Variants in CAMKMT observed in about 807,000 individuals in gnomAD.
The protein encoded by CAMKMT is calmodulin-lysine N-methyltransferase, also known as CaM KMT.
A neutral mutation model predicts 48.0 loss-of-function variants in CAMKMT; 53 were observed. The observed-to-expected ratio is 1.10, with a 90% CI of 0.89 to 1.39. The LOEUF is 1.39. CAMKMT is among the 40% of genes most tolerant of loss of function. CAMKMT has a pLI of 0.00. For missense variants in CAMKMT, 428 were observed against 402.7 expected (o/e 1.06, Z -0.54); for synonymous variants, 165 against 152.3 (o/e 1.08, Z -0.61).
chr2:44,435,588 T>C (rs529184522), intron 3 of CAMKMT, among the ~76,000 whole-genome samples: 1 of 152,344 alleles, frequency 6.6e-6, no homozygotes, highest in South Asian at 2.1e-4. Context: ...TCCGAGTGAA[T>C]CAAAAATAGA....
At chr2:44,461,441 A>C (rs1357742085) in intron 3 of CAMKMT, among the ~76,000 whole-genome samples, 1 of 152,194 alleles carries the variant, frequency 6.6e-6, no homozygotes, top group African/African-American at 2.4e-5. Flanking sequence ...TAAGTGGGTG[A>C]GGTGGGATTA....
intron 3 of CAMKMT, among the ~76,000 whole-genome samples, chr2:44,491,830 A>G (rs1422060197): frequency 1.3e-5 from 2 of 152,240 alleles, no homozygotes; most frequent in South Asian, 2.1e-4. Context: ...TTGAGAATAT[A>G]GCATTCTTTG....
At chr2:44,570,732 A>G (rs1668860214) in intron 3 of CAMKMT, among the ~76,000 whole-genome samples, 1 of 152,166 alleles carries the variant, frequency 6.6e-6, no homozygotes, top group Non-Finnish European at 1.5e-5. Context: ...TAAAAGATGA[A>G]AAGCAAACGA....
intron 3 of CAMKMT, among the ~76,000 whole-genome samples, chr2:44,565,057 T>G (rs1417205656): frequency 6.6e-6 from 1 of 152,338 alleles, no homozygotes; most frequent in East Asian, 1.9e-4. Flanking sequence ...CCTAATTTTT[T>G]TCTACTGGGT....
At chr2:44,386,673 G>A (rs1680810131) in intron 2 of CAMKMT, among the ~76,000 whole-genome samples, 1 of 152,044 alleles carries the variant, frequency 6.6e-6, no homozygotes, top group African/African-American at 2.4e-5. Context: ...TTTCCTCTTA[G>A]CATCACCTTT....
intron 3 of CAMKMT, among the ~76,000 whole-genome samples, chr2:44,600,350 T>G (rs967946329): frequency 2.6e-5 from 4 of 151,898 alleles, no homozygotes; most frequent in Non-Finnish European, 5.9e-5. Flanking sequence ...CACTACACCC[T>G]CAAACTCCTG....
intron 3 of CAMKMT, among the ~76,000 whole-genome samples, chr2:44,554,765 A>T (rs762807938): frequency 6.6e-6 from 1 of 152,062 alleles, no homozygotes; most frequent in African/African-American, 2.4e-5. Flanking sequence ...AGGCCCAGCT[A>T]TTTGGGAGGC....
intron 3 of CAMKMT, among the ~76,000 whole-genome samples, chr2:44,558,030 T>C (rs899472137): frequency 6.6e-5 from 9 of 137,112 alleles, no homozygotes; most frequent in African/African-American, 2.2e-4. Context: ...TTTATTTATT[T>C]ATTTATTCAT....
At chr2:44,674,364 A>G (rs1675545568) in intron 3 of CAMKMT, among the ~76,000 whole-genome samples, 2 of 152,222 alleles carry the variant, frequency 1.3e-5, no homozygotes, top group South Asian at 4.1e-4. Flanking sequence ...CCTCCACTAG[A>G]CTATCAGCAT....
chr2:44,395,971 C>G (rs1198958222), intron 3 of CAMKMT, among the ~76,000 whole-genome samples: 1 of 151,826 alleles, frequency 6.6e-6, no homozygotes, highest in East Asian at 1.9e-4. Flanking sequence ...TCACAAAGAC[C>G]TAAATATATG....
At chr2:44,416,696 T>C (rs1035245887) in intron 3 of CAMKMT, among the ~76,000 whole-genome samples, 1 of 148,980 alleles carries the variant, frequency 6.7e-6, no homozygotes, top group African/African-American at 2.5e-5. Flanking sequence ...TGCCTCAGCC[T>C]CCTAAGTAGC....
Position 44,653,004 on chromosome 2 carries a change from C to T in CAMKMT, c.377-51279C>T, listed in dbSNP as rs1558772498. On this transcript the variant is annotated intron_variant, in intron 3 of 10. Transcript: ENST00000378494. This position sits in a 1 kb window ranked among gnomAD's most constrained non-coding sequence, Gnocchi z 5.2. ...AATACCTCAGTCCATTTCTGCCAAA[C>T]CTTTTCTATTACCTCTATCAACCCT... Among the ~76,000 whole-genome samples the T allele has an allele frequency of 6.6e-6, 1 of 152,174 alleles. No individual in the cohort carries two copies. The highest frequency in any genetic ancestry group is 1.5e-5 in the Non-Finnish European group (1 of 68,026).
intron 3 of CAMKMT, among the ~76,000 whole-genome samples, chr2:44,697,488 A>T (rs1677019310): frequency 1.3e-5 from 2 of 152,134 alleles, no homozygotes; most frequent in African/African-American, 4.8e-5. Context: ...ATGTATTGAG[A>T]GGAGAAATTG....
rs1217945229 is a variant in CAMKMT, at chr2:44,573,943, G to T, written c.377-130340G>T. ...GAGTTTCTGCTTTAATTATTTTATAGTTATGTTTTGATTTCTGATAGGGCA... is the reference window on the plus strand; with the variant it reads ...GAGTTTCTGCTTTAATTATTTTATATTTATGTTTTGATTTCTGATAGGGCA... On this transcript the variant is annotated intron_variant, in intron 3 of 10. Transcript: ENST00000378494. Among the ~76,000 whole-genome samples, 3 of 152,168 alleles carry T rather than the reference G, an allele frequency of 2.0e-5. No homozygotes were observed. In the East Asian group the frequency reaches 5.8e-4, roughly 29 times the overall value.
intron 3 of CAMKMT, among the ~76,000 whole-genome samples, chr2:44,550,093 C>T (rs1394711430): frequency 6.6e-6 from 1 of 152,148 alleles, no homozygotes; most frequent in African/African-American, 2.4e-5. Context: ...AGAACATCAG[C>T]ATATATGTTT....
chr2:44,685,464 A>G (rs1299919400), intron 3 of CAMKMT, among the ~76,000 whole-genome samples: 2 of 152,214 alleles, frequency 1.3e-5, no homozygotes, highest in Non-Finnish European at 2.9e-5. Context: ...ACCACCAGTT[A>G]TAGCTAGAGA....
chr2:44,600,307 C>T (rs956149682), intron 3 of CAMKMT, among the ~76,000 whole-genome samples: 1 of 151,736 alleles, frequency 6.6e-6, no homozygotes, highest in African/African-American at 2.4e-5. Flanking sequence ...CGCTCTGTTG[C>T]CCAGTCTGGA....
chr2:44,634,751 T>A (rs7587238), intron 3 of CAMKMT, among the ~76,000 whole-genome samples: 5,533 of 142,878 alleles, frequency 0.039, 341 homozygotes, highest in African/African-American at 0.14. Flanking sequence ...GAAGTATTTA[T>A]GAAGCAACTA....
chr2:44,430,425 G>A (rs1419222714), intron 3 of CAMKMT, among the ~76,000 whole-genome samples: 3 of 151,522 alleles, frequency 2.0e-5, no homozygotes, highest in African/African-American at 7.3e-5. Flanking sequence ...TCTCATCAGT[G>A]GACAAACAAT....
Sources: allele counts gnomAD v4.1 joint callset (sites outside exome capture counted in the v4.1 genomes callset), GRCh38; gene constraint gnomAD v4.1.1; non-coding constraint Gnocchi (gnomAD v3.1); transcripts MANE v1.5; gene names NCBI Gene and HGNC (gene_info 2026-07-23, HGNC 2026-07-21).